The following SIRT5 variants were observed in gnomAD, a reference collection of about 807,000 sequenced individuals.
SIRT5 encodes NAD-dependent protein deacylase sirtuin-5, mitochondrial.
Under a neutral mutation model 40.0 loss-of-function variants are expected in SIRT5, and 26 were observed. The observed-to-expected ratio is 0.65, with a 90% CI of 0.48 to 0.90. The LOEUF is 0.90. SIRT5 is among the 40% of genes least tolerant of loss of function. The probability of loss-of-function intolerance (pLI) is 0.00; values close to 1 mark genes in which losing one functional copy is unlikely to be tolerated. For synonymous variants in SIRT5, 146 were observed against 149.1 expected (o/e 0.98, Z 0.15); for missense variants, 401 against 402.4 (o/e 1.00, Z 0.03).
At chr6:13,598,573 T>C (rs1296722015) in intron 7 of SIRT5, among the ~76,000 whole-genome samples, 1 of 152,146 alleles carries the variant, frequency 6.6e-6, no homozygotes, top group African/African-American at 2.4e-5. Flanking sequence ...CTCATGCCTG[T>C]AATCCCAGCA....
At chr6:13,606,360 T>C (rs1340421234) in intron 9 of SIRT5, among the ~76,000 whole-genome samples, 1 of 152,152 alleles carries the variant, frequency 6.6e-6, no homozygotes, top group Non-Finnish European at 1.5e-5. Flanking sequence ...AGCTACCTGC[T>C]GTTGGAGTTT....
rs533843938 is a variant in SIRT5 at position 13,607,829 on chromosome 6, C to T, written c.858-3961C>T. ...ACTGCAGTGGCACGATCTCGACTCA[C>T]TGCAACCTCCGCCTCCCTGGTTCAA... On this transcript the variant is annotated intron_variant, in intron 9 of 9. Transcript: ENST00000606117. This position sits in a 1 kb window ranked among gnomAD's most constrained non-coding sequence, Gnocchi z 4.0. Among the ~76,000 whole-genome samples the T allele has an allele frequency of 6.6e-6, 1 of 152,348 alleles. No individual in the cohort carries two copies. Among genetic ancestry groups the T allele is most frequent in the Admixed American group, 6.5e-5 (1 of 15,302 alleles).
rs1028599665 is a variant in SIRT5 at position 13,604,606 on chromosome 6, G to A, written c.857+3657G>A. ...GGAGTATTTCCACAACCCAAGTTTA[G>A]AGTTGGCCCCCACCTCCCATGCCAT... On this transcript the variant is annotated intron_variant, in intron 9 of 9. Coordinates refer to ENST00000606117, the MANE Select transcript of SIRT5 (RefSeq NM_012241.5). 10 of 1,511,890 alleles carry A rather than the reference G, an allele frequency of 6.6e-6. No homozygotes were observed. The African/African-American group carries it at 1.3e-4, about 19-fold the overall frequency. The allele number at this position is 1,511,890 out of a possible 1,614,324, so 93.7% of individuals were successfully genotyped here. A position where few individuals can be genotyped will look rare whatever the true frequency, so the allele number is the denominator to read the frequency against.
chr6:13,586,264 T>A lies in SIRT5; in HGVS notation c.115+2039T>A, dbSNP rs375408672. Among the ~76,000 whole-genome samples the A allele has an allele frequency of 7.9e-5, 12 of 152,286 alleles. No homozygotes were observed. In the East Asian group the frequency reaches 2.3e-3, roughly 29 times the overall value. The stretch of plus-strand genomic sequence containing the variant: ...TTAATTTAATTAGATCCCATTTGTC[T>A]ATTTTGGCTTTTGTTGCCATTGCTT... On this transcript the variant is annotated intron_variant, in intron 3 of 9. Transcript: ENST00000606117.
At chr6:13,598,308 CAGG>C (rs1761872868) in intron 7 of SIRT5, among the ~76,000 whole-genome samples, 1 of 151,980 alleles carries the variant, frequency 6.6e-6, no homozygotes, top group South Asian at 2.1e-4. Context: ...GTAATGGACA[CAGG>C]AAAGCTGGCT....
chr6:13,580,522 T>C (rs1044034015), intron 2 of SIRT5, among the ~76,000 whole-genome samples: 3 of 152,218 alleles, frequency 2.0e-5, no homozygotes, highest in Non-Finnish European at 4.4e-5. Context: ...TTAAAATGTC[T>C]TATAAATGGT....
intron 9 of SIRT5, chr6:13,604,707 G>GATTTTTTTTTTTTTTTTT: frequency 7.3e-7 from 1 of 1,371,164 alleles, no homozygotes; most frequent in Non-Finnish European, 9.4e-7. Flanking sequence ...GAACTTGGTG[G>GATTTTTTTTTTTTTTTTT]TTTTTCCTGC....
intron 4 of SIRT5, among the ~76,000 whole-genome samples, chr6:13,591,401 T>G (rs1246134235): frequency 6.6e-6 from 1 of 152,244 alleles, no homozygotes; most frequent in Non-Finnish European, 1.5e-5. Flanking sequence ...GGGAGGTAGA[T>G]GGGACAGGTT....
chr6:13,581,471 G>A (rs373467434), intron 2 of SIRT5, among the ~76,000 whole-genome samples: 33 of 152,236 alleles, frequency 2.2e-4, no homozygotes, highest in African/African-American at 7.7e-4. Context: ...AGGTGGAGTC[G>A]CCATGTCTTA....
rs1273056579 is a variant in SIRT5, at chr6:13,614,078, G to A, written c.*2213G>A. ...TTCTAAAACAGAAGACATGAAAAGA[G>A]AATTAAAAATACAATATATGTGTAA... On this transcript the variant is annotated 3_prime_UTR_variant, in exon 10 of 10. Coordinates refer to ENST00000606117, the MANE Select transcript of SIRT5 (RefSeq NM_012241.5). The A allele has an allele frequency of 6.6e-6, 1 of 152,176 alleles. No homozygotes were observed. Among genetic ancestry groups the A allele is most frequent in the South Asian group, 2.1e-4 (1 of 4,834 alleles). 9.4% of individuals were successfully genotyped at this position (152,176 alleles called of 1,614,324 possible).
chr6:13,589,456 C>T (rs936141559), intron 4 of SIRT5: 5 of 152,244 alleles, frequency 3.3e-5, no homozygotes, highest in African/African-American at 1.2e-4. Context: ...GTTGCATTGT[C>T]TCCAGTTTCC....
intron 4 of SIRT5, among the ~76,000 whole-genome samples, chr6:13,590,608 TTG>T (rs1760739125): frequency 6.6e-6 from 1 of 152,054 alleles, no homozygotes. Flanking sequence ...TATGTGTATG[TTG>T]TGTGTATGTA....
intron 9 of SIRT5, chr6:13,604,985 T>C (rs201706708): frequency 2.0e-6 from 2 of 988,400 alleles, no homozygotes; most frequent in South Asian, 9.3e-5. Flanking sequence ...CAATGCTTTT[T>C]TCTTGGCATC....
intron 9 of SIRT5, chr6:13,605,554 T>G (rs1235125984): frequency 1.0e-6 from 1 of 985,352 alleles, no homozygotes; most frequent in African/African-American, 1.7e-5. Flanking sequence ...TCAGATTCTT[T>G]GCCCCAGTTC....
At chr6:13,609,579 C>T (rs1763572799) in intron 9 of SIRT5, among the ~76,000 whole-genome samples, 1 of 152,192 alleles carries the variant, frequency 6.6e-6, no homozygotes, top group African/African-American at 2.4e-5. Context: ...AGCTCTGCAC[C>T]TGGGTTGGAA....
chr6:13,593,065 C>G (rs1761144472), intron 5 of SIRT5, among the ~76,000 whole-genome samples: 1 of 151,992 alleles, frequency 6.6e-6, no homozygotes, highest in Non-Finnish European at 1.5e-5. Context: ...AGGCACATGC[C>G]ACCATGCCCA....
chr6:13,590,922 T>C (rs1760801385), intron 4 of SIRT5, among the ~76,000 whole-genome samples: 2 of 149,968 alleles, frequency 1.3e-5, no homozygotes, highest in African/African-American at 2.4e-5. Flanking sequence ...TGTGTGCAGT[T>C]TATATGTAGA....
At chr6:13,584,809 A>T (rs1759847478) in intron 3 of SIRT5, among the ~76,000 whole-genome samples, 1 of 152,130 alleles carries the variant, frequency 6.6e-6, no homozygotes, top group South Asian at 2.1e-4. Flanking sequence ...TCTGCAGGGG[A>T]GGAAAACTGG....
intron 4 of SIRT5, among the ~76,000 whole-genome samples, chr6:13,588,880 C>A (rs550146391): frequency 1.3e-4 from 20 of 152,176 alleles, no homozygotes; most frequent in Admixed American, 4.6e-4. Flanking sequence ...TTATAGGAAG[C>A]CCTTCAGAAT....
Sources: gnomAD v4.1 joint callset for allele counts (sites outside exome capture counted in the v4.1 genomes callset) on GRCh38, gnomAD v4.1.1 for gene constraint, Gnocchi (gnomAD v3.1) non-coding constraint, MANE v1.5 for transcripts, NCBI Gene and HGNC (gene_info 2026-07-23, HGNC 2026-07-21) for gene names.